The following CNKSR2 variants were observed in gnomAD, a reference collection of about 807,000 sequenced individuals.
CNKSR2 encodes connector enhancer of kinase suppressor of Ras 2, also known as CNK homolog protein 2.
In CNKSR2, 14 loss-of-function variants were observed where a neutral mutation model predicts 84.4. That is an observed-to-expected ratio of 0.17 (90% CI 0.11 to 0.26). CNKSR2 has a LOEUF of 0.26. Ranked by LOEUF, CNKSR2 falls within the 10% of genes least tolerant of loss-of-function variation. The pLI is 1.00. For missense variants in CNKSR2, 485 were observed against 771.2 expected, an observed-to-expected ratio of 0.63 and a Z score of 4.40; for synonymous variants, 275 against 277.9, an observed-to-expected ratio of 0.99 and a Z score of 0.10.
intron 10 of CNKSR2, 140 bp downstream of exon 10, chrX:21,527,140 T>G (rs1316051705): frequency 4.5e-6 from 2 of 442,381 alleles, no homozygotes; most frequent in Non-Finnish European, 7.6e-6. Context: ...TGCAAAATCA[T>G]TCCCATTATA....
chrX:21,603,015 T>C (rs1037878802), intron 18 of CNKSR2, among the ~76,000 whole-genome samples: 12 of 112,133 alleles, frequency 1.1e-4, no homozygotes, highest in African/African-American at 3.9e-4. Context: ...GTGAACTTCC[T>C]TTGTACTTGG....
chrX:21,475,150 A>G (rs1381796327), intron 5 of CNKSR2, among the ~76,000 whole-genome samples: 1 of 112,001 alleles, frequency 8.9e-6, no homozygotes, highest in Non-Finnish European at 1.9e-5. Flanking sequence ...ACAGTCAGCA[A>G]TAATTTGTTG....
chrX:21,486,720 TTTCTTTTTCTAGAATA>T (rs1167478622), intron 5 of CNKSR2, among the ~76,000 whole-genome samples: 1 of 112,275 alleles, frequency 8.9e-6, no homozygotes, highest in Non-Finnish European at 1.9e-5. Flanking sequence ...ATTTTATGAT[TTTCTTTTTCTAGAATA>T]TGCTTAGGTA....
intron 20 of CNKSR2, among the ~76,000 whole-genome samples, chrX:21,614,982 A>G (rs2092569887): frequency 8.9e-6 from 1 of 112,136 alleles, no homozygotes; most frequent in African/African-American, 3.2e-5. Flanking sequence ...ACTTATACCC[A>G]GATTTCATTG....
chrX:21,423,998 T>C (rs914244455), intron 1 of CNKSR2: 1 of 111,479 alleles, frequency 9.0e-6, no homozygotes, highest in Non-Finnish European at 1.9e-5. Context: ...TGGTCCGATA[T>C]AGTCGAATTA....
intron 5 of CNKSR2, among the ~76,000 whole-genome samples, chrX:21,476,815 T>C (rs1325422441): frequency 1.8e-5 from 2 of 112,079 alleles, no homozygotes; most frequent in African/African-American, 6.5e-5. Context: ...TAAATAATAT[T>C]ATGTTTCACT....
intron 5 of CNKSR2, among the ~76,000 whole-genome samples, chrX:21,476,599 G>A (rs1260442331): frequency 9.0e-6 from 1 of 110,787 alleles, no homozygotes; most frequent in African/African-American, 3.3e-5. Context: ...AAAATCCCTG[G>A]TGGGAAGGGA....
At chrX:21,535,581 A>T (rs2091920506) in intron 11 of CNKSR2, among the ~76,000 whole-genome samples, 1 of 109,619 alleles carries the variant, frequency 9.1e-6, no homozygotes, top group Admixed American at 9.7e-5. Context: ...CATTGTAGAG[A>T]TCTTTCACTT....
intron 20 of CNKSR2, chrX:21,644,453 G>A (rs2092700974): frequency 8.9e-6 from 1 of 111,805 alleles, no homozygotes; most frequent in Non-Finnish European, 1.9e-5. Context: ...GTGAAAATGG[G>A]GTGGATACTA....
At chrX:21,580,961 C>T (rs2092349442) in intron 13 of CNKSR2, among the ~76,000 whole-genome samples, 1 of 111,714 alleles carries the variant, frequency 9.0e-6, no homozygotes, top group South Asian at 3.7e-4. Context: ...CCTGTTAGAA[C>T]TTGCTGCCTC....
intron 20 of CNKSR2, among the ~76,000 whole-genome samples, chrX:21,646,230 G>C (rs887762864): frequency 1.8e-5 from 2 of 111,436 alleles, no homozygotes; most frequent in African/African-American, 6.5e-5. Context: ...GTCTCATTGT[G>C]ATTGCTTGTT....
intron 7 of CNKSR2, among the ~76,000 whole-genome samples, chrX:21,498,804 G>A (rs1372485386): frequency 1.8e-5 from 2 of 109,689 alleles, no homozygotes; most frequent in Non-Finnish European, 3.8e-5. Flanking sequence ...CAGGTACTGA[G>A]CTTTGAATGT....
chrX:21,576,268 G>C (rs112903457), intron 13 of CNKSR2, among the ~76,000 whole-genome samples: 1 of 111,817 alleles, frequency 8.9e-6, no homozygotes, highest in African/African-American at 3.2e-5. Flanking sequence ...GTAACAAAAA[G>C]ATAACAAGTA....
chrX:21,494,959 A>T (rs1240535453), intron 6 of CNKSR2: 1 of 111,904 alleles, frequency 8.9e-6, no homozygotes, highest in Non-Finnish European at 1.9e-5. Flanking sequence ...TCAAAGAGAG[A>T]TGGGTAATTG....
chrX:21,614,545 A>T (rs1394976563), intron 20 of CNKSR2, among the ~76,000 whole-genome samples: 1 of 111,009 alleles, frequency 9.0e-6, no homozygotes, highest in Non-Finnish European at 1.9e-5. Flanking sequence ...TGTAAAGTTG[A>T]GCACACCATC....
At position 21,652,842 on chromosome X, in the gene CNKSR2, T is replaced by C; in HGVS notation, c.*321T>C. On this transcript the variant is annotated 3_prime_UTR_variant, in exon 22 of 22. Coordinates refer to ENST00000379510, the MANE Select transcript of CNKSR2 (RefSeq NM_014927.5). The stretch of plus-strand genomic sequence containing the variant: ...AAAGGCAGTTTTCTATCTATGGTCA[T>C]CTTTTCTCCCTTTAAGTTAATTTTA... The C allele has an allele frequency of 6.0e-6, 1 of 165,692 alleles. No individual in the cohort carries two copies. The highest frequency in any genetic ancestry group is 1.1e-5 in the Non-Finnish European group (1 of 88,710). 13.7% of individuals were successfully genotyped at this position (165,692 alleles called of 1,213,427 possible). A position where few individuals can be genotyped will look rare whatever the true frequency, so the allele number is the denominator to read the frequency against.
At chrX:21,543,805 CT>C (rs376800791) in intron 11 of CNKSR2, among the ~76,000 whole-genome samples, 1 of 111,050 alleles carries the variant, frequency 9.0e-6, no homozygotes, top group African/African-American at 3.3e-5. Flanking sequence ...TAGAAGAGTT[CT>C]TTTTTTTCTT....
chrX:21,595,039 C>A lies in CNKSR2; in HGVS notation c.1896C>A (p.Arg632=). 1 of 1,180,619 alleles carries A rather than the reference C, an allele frequency of 8.5e-7. No homozygotes were observed. The change falls in exon 16 of 22, where the codon CGC becomes CGA. Residue 632 remains arginine (R), a synonymous_variant. Coordinates refer to ENST00000379510, the MANE Select transcript of CNKSR2 (RefSeq NM_014927.5). The part of the protein sequence containing the change: ...EFKIDRASEC[R]KKYAFKACHP... ...AAATTGATAGAGCCAGTGAATGCCG[C>A]AAAAAATAGTAAGTTGATTTTATTT...
intron 1 of CNKSR2, among the ~76,000 whole-genome samples, chrX:21,389,399 C>T (rs754757627): frequency 1.8e-5 from 2 of 110,285 alleles, no homozygotes; most frequent in East Asian, 5.7e-4. Context: ...GAAGAGTATA[C>T]AGGAACTCTT....
Sources: allele counts gnomAD v4.1 joint callset (sites outside exome capture counted in the v4.1 genomes callset), GRCh38; gene constraint gnomAD v4.1.1; transcripts MANE v1.5; gene names NCBI Gene and HGNC (gene_info 2026-07-23, HGNC 2026-07-21).